Variants in ERC2 observed in about 807,000 individuals in gnomAD.
The protein encoded by ERC2 is ELKS/RAB6-interacting/CAST family member 2.
A neutral mutation model predicts 114.8 loss-of-function variants in ERC2; 42 were observed. The observed-to-expected ratio is 0.37, with a 90% CI of 0.29 to 0.47. The LOEUF is 0.47. ERC2 is among the 20% of genes least tolerant of loss of function. ERC2 has a pLI of 0.99. For synonymous variants in ERC2, 454 were observed against 425.5 expected (o/e 1.07, Z -0.82); for missense variants, 939 against 1,150.7 (o/e 0.82, Z 2.66).
chr3:56,240,464 G>C (rs760901816), intron 3 of ERC2, among the ~76,000 whole-genome samples: 1 of 152,142 alleles, frequency 6.6e-6, no homozygotes, highest in Non-Finnish European at 1.5e-5. Context: ...GTAAGTTGCT[G>C]AGTAAATGTA....
Position 56,149,040 on chromosome 3 carries a change from G to T in ERC2, c.1242C>A (p.Asp414Glu), listed in dbSNP as rs375925497. 38 of 1,613,248 alleles carry T rather than the reference G, an allele frequency of 2.4e-5. No homozygotes were observed. The highest frequency in any genetic ancestry group is 6.7e-5 in the Admixed American group (4 of 59,940). The change falls in exon 5 of 18, where the codon GAC (aspartate) becomes GAA (glutamate). Residue 414 changes from aspartate (D) to glutamate (E), a missense_variant. Coordinates refer to ENST00000288221, the MANE Select transcript of ERC2 (RefSeq NM_015576.3). ...LKANGVLNTE[D>E]REEEIKQIEV... ...CAATTTGTTTGATCTCTTCTTCGCG[G>T]TCCTCAGTGTTCAGCACACCATTGG...
intron 10 of ERC2, among the ~76,000 whole-genome samples, chr3:55,995,286 T>C (rs567405272): frequency 6.6e-6 from 1 of 152,166 alleles, no homozygotes. Flanking sequence ...TGAGCCAAGA[T>C]CATGCCACTA....
chr3:56,162,758 A>T (rs935618228), intron 4 of ERC2, among the ~76,000 whole-genome samples: 3 of 151,354 alleles, frequency 2.0e-5, no homozygotes, highest in African/African-American at 7.3e-5. Context: ...ATTTATTTGG[A>T]TCTTTTTTTC....
intron 6 of ERC2, among the ~76,000 whole-genome samples, chr3:56,129,914 A>G (rs758485386): frequency 1.1e-4 from 16 of 152,210 alleles, no homozygotes; most frequent in Non-Finnish European, 2.4e-4. Flanking sequence ...GTCAAATAAC[A>G]TCCTAATGAG....
rs1454611481 is a variant in ERC2, at chr3:55,583,387, T to TTTCCCTCCTTCCTTCC, written c.*40-72112_*40-72111insGGAAGGAAGGAGGGAA. Among the ~76,000 whole-genome samples the TTTCCCTCCTTCCTTCC allele has an allele frequency of 5.8e-3, 744 of 127,740 alleles. 10 individuals are homozygous for TTTCCCTCCTTCCTTCC. The highest frequency in any genetic ancestry group is 7.2e-3 in the Non-Finnish European group (445 of 61,850). 83.8% of individuals were successfully genotyped at this position (127,740 alleles called of 152,430 possible). A position where few individuals can be genotyped will look rare whatever the true frequency, so the allele number is the denominator to read the frequency against. On this transcript the variant is annotated intron_variant, in intron 17 of 17. Coordinates refer to ENST00000288221, the MANE Select transcript of ERC2 (RefSeq NM_015576.3). ...CCTGCCTGCCTTCTTTCCTTCTTTC[T>TTTCCCTCCTTCCTTCC]TTCCTTCCTTCTTTCCTTCCTTCCT... is the stretch of plus-strand genomic sequence containing the variant.
intron 14 of ERC2, among the ~76,000 whole-genome samples, chr3:55,863,049 G>A (rs561265293): frequency 6.6e-6 from 1 of 152,120 alleles, no homozygotes; most frequent in South Asian, 2.1e-4. Flanking sequence ...TCCTTAATTT[G>A]GCACCCCAGG....
At chr3:55,787,377 A>T (rs2069599309) in intron 14 of ERC2, among the ~76,000 whole-genome samples, 1 of 152,148 alleles carries the variant, frequency 6.6e-6, no homozygotes. Flanking sequence ...TGATCCTGCC[A>T]CTGCACTCCA....
intron 2 of ERC2, among the ~76,000 whole-genome samples, chr3:56,323,232 T>A (rs2057206956): frequency 6.6e-6 from 1 of 152,152 alleles, no homozygotes; most frequent in African/African-American, 2.4e-5. Context: ...CCCTAGAATA[T>A]TCAGCTATTG....
intron 3 of ERC2, among the ~76,000 whole-genome samples, chr3:56,273,372 T>C (rs2053787245): frequency 6.7e-6 from 1 of 149,164 alleles, no homozygotes; most frequent in East Asian, 2.0e-4. Flanking sequence ...ACCCATCACA[T>C]CTTCCCAAGT....
At chr3:55,879,557 C>T (rs2063025936) in intron 14 of ERC2, among the ~76,000 whole-genome samples, 1 of 152,166 alleles carries the variant, frequency 6.6e-6, no homozygotes, top group Non-Finnish European at 1.5e-5. Context: ...TACATGCCTC[C>T]TCACAGTCTA....
chr3:55,827,312 AG>A lies in ERC2; in HGVS notation c.2564+61076del, dbSNP rs1390108811. Among the ~76,000 whole-genome samples the A allele has an allele frequency of 2.0e-5, 3 of 151,922 alleles. No homozygotes were observed. In the South Asian group the frequency reaches 6.2e-4, roughly 32 times the overall value. ...AGAAAAAAGGAAGAGAAAGAAAGAA[AG>A]AAAGAAGAAAGAGAAAAAGAAAGAG... On this transcript the variant is annotated intron_variant, in intron 14 of 17. Transcript: ENST00000288221.
intron 12 of ERC2, among the ~76,000 whole-genome samples, chr3:55,963,219 G>T (rs952165741): frequency 5.3e-5 from 8 of 152,176 alleles, no homozygotes; most frequent in Admixed American, 5.2e-4. Context: ...TAATCTCAAG[G>T]TGATCACCTT....
intron 14 of ERC2, among the ~76,000 whole-genome samples, chr3:55,857,621 A>G (rs1178419414): frequency 2.0e-5 from 3 of 152,204 alleles, no homozygotes; most frequent in Non-Finnish European, 4.4e-5. Context: ...AATAACTAGC[A>G]AGAAAAAAGG....
At chr3:55,590,780 C>A (rs2057836782) in intron 17 of ERC2, among the ~76,000 whole-genome samples, 1 of 152,210 alleles carries the variant, frequency 6.6e-6, no homozygotes, top group Admixed American at 6.5e-5. Context: ...TGTAATCAAA[C>A]TGCCAAGACA....
At chr3:55,911,444 C>T (rs1400963995) in intron 13 of ERC2, among the ~76,000 whole-genome samples, 3 of 152,058 alleles carry the variant, frequency 2.0e-5, no homozygotes, top group East Asian at 3.9e-4. Flanking sequence ...GCTAGTCTGC[C>T]GCTGATGGCA....
chr3:56,004,086 A>G (rs1190937395), intron 10 of ERC2, among the ~76,000 whole-genome samples: 1 of 152,054 alleles, frequency 6.6e-6, no homozygotes, highest in African/African-American at 2.4e-5. Context: ...ATCATGGTTT[A>G]AAGAAACTCC....
intron 1 of ERC2, among the ~76,000 whole-genome samples, chr3:56,461,380 G>A (rs1450177536): frequency 2.6e-5 from 4 of 152,190 alleles, no homozygotes; most frequent in East Asian, 1.9e-4. Flanking sequence ...TCCAGTTGAC[G>A]GGAAGCTGTG....
chr3:55,874,365 A>G (rs1243498077), intron 14 of ERC2, among the ~76,000 whole-genome samples: 1 of 152,186 alleles, frequency 6.6e-6, no homozygotes, highest in African/African-American at 2.4e-5. Context: ...TGGCAACTCC[A>G]GCCCCACATC....
intron 6 of ERC2, among the ~76,000 whole-genome samples, 178 bp downstream of exon 6, chr3:56,139,331 G>A (rs191485519): frequency 1.3e-5 from 2 of 152,278 alleles, no homozygotes; most frequent in East Asian, 3.9e-4. Flanking sequence ...TTCACTTGCA[G>A]TGTTACACAA....
Sources: gnomAD v4.1 joint callset for allele counts (sites outside exome capture counted in the v4.1 genomes callset) on GRCh38, gnomAD v4.1.1 for gene constraint, MANE v1.5 for transcripts, NCBI Gene and HGNC (gene_info 2026-07-23, HGNC 2026-07-21) for gene names.